Variants in GPHN observed in about 807,000 individuals in gnomAD.
GPHN encodes gephyrin.
GPHN carries 17 observed loss-of-function variants against 95.5 expected under a neutral mutation model. The observed-to-expected ratio is 0.18, with a 90% CI of 0.12 to 0.27. The LOEUF (loss-of-function observed/expected upper bound fraction) is 0.27. GPHN is among the 10% of genes least tolerant of loss of function. GPHN has a pLI of 1.00. For synonymous variants in GPHN, 320 were observed against 322.5 expected (o/e 0.99, Z 0.08); for missense variants, 660 against 978.1 (o/e 0.67, Z 4.34).
At chr14:67,645,680 T>C in the GPHN span, 1 of 1,613,926 alleles carries the variant, frequency 6.2e-7, no homozygotes, top group Admixed American at 1.7e-5. Context: ...TGCCCGACAC[T>C]GCCCAGACCT....
At chr14:67,073,481 C>A (rs900414448) in intron 11 of GPHN, among the ~76,000 whole-genome samples, 1 of 152,054 alleles carries the variant, frequency 6.6e-6, no homozygotes, top group Non-Finnish European at 1.5e-5. Flanking sequence ...TAAAAACGTA[C>A]CCCTTTCATG....
intron 1 of GPHN, among the ~76,000 whole-genome samples, chr14:66,567,881 A>G (rs988113970): frequency 3.2e-4 from 48 of 152,186 alleles, no homozygotes; most frequent in African/African-American, 1.2e-3. Flanking sequence ...CTATAAAAAA[A>G]TATAAGATGT....
At chr14:67,441,239 C>A in the GPHN span, among the ~76,000 whole-genome samples, 1 of 152,186 alleles carries the variant, frequency 6.6e-6, no homozygotes, top group Admixed American at 6.5e-5. Flanking sequence ...TGCTCTGATC[C>A]TCCAGGTCCT....
the GPHN span, among the ~76,000 whole-genome samples, chr14:67,372,685 G>A: frequency 7.9e-5 from 12 of 151,828 alleles, no homozygotes; most frequent in Non-Finnish European, 1.5e-4. Flanking sequence ...AAAAATTAGC[G>A]GGCATAGTGG....
chr14:67,607,131 A>G, the GPHN span, among the ~76,000 whole-genome samples: 1 of 151,990 alleles, frequency 6.6e-6, no homozygotes, highest in Admixed American at 6.5e-5. Flanking sequence ...AAGTATATAT[A>G]TAACTCTTAA....
chr14:67,661,478 T>C, the GPHN span, among the ~76,000 whole-genome samples: 1 of 150,870 alleles, frequency 6.6e-6, no homozygotes, highest in African/African-American at 2.4e-5. Context: ...TGGTTAGAAT[T>C]ACCTCTAAAC....
intron 4 of GPHN, among the ~76,000 whole-genome samples, chr14:66,862,430 TACTC>T (rs1484021551): frequency 6.6e-6 from 1 of 152,006 alleles, no homozygotes; most frequent in African/African-American, 2.4e-5. Flanking sequence ...ATACCAATCT[TACTC>T]AAAGTATTCC....
intron 3 of GPHN, among the ~76,000 whole-genome samples, chr14:66,797,570 G>T (rs1332848257): frequency 6.6e-6 from 1 of 151,658 alleles, no homozygotes; most frequent in African/African-American, 2.4e-5. Context: ...TAATTCCTAA[G>T]TATTTACTTT....
intron 5 of GPHN, among the ~76,000 whole-genome samples, chr14:66,915,521 A>G (rs1426834185): frequency 3.3e-5 from 5 of 152,104 alleles, no homozygotes; most frequent in African/African-American, 7.2e-5. Flanking sequence ...GAGCTCTCCA[A>G]CCTCTTCCCT....
At chr14:66,645,092 A>G (rs1277006171) in intron 1 of GPHN, among the ~76,000 whole-genome samples, 4 of 152,070 alleles carry the variant, frequency 2.6e-5, no homozygotes, top group Non-Finnish European at 4.4e-5. Flanking sequence ...GTATATTTGT[A>G]TGTAATGAAG....
chr14:67,706,545 C>T, the GPHN span, among the ~76,000 whole-genome samples: 1 of 152,142 alleles, frequency 6.6e-6, no homozygotes, highest in African/African-American at 2.4e-5. Context: ...ATGGAATGGG[C>T]TTCCAGGTCA....
chr14:66,547,592 A>T (rs2059648429), intron 1 of GPHN, among the ~76,000 whole-genome samples: 1 of 152,214 alleles, frequency 6.6e-6, no homozygotes. Context: ...TTATTCTTAT[A>T]AAACTCTTTT....
intron 1 of GPHN, among the ~76,000 whole-genome samples, chr14:66,593,478 G>A (rs2061844447): frequency 6.6e-6 from 1 of 152,034 alleles, no homozygotes; most frequent in Non-Finnish European, 1.5e-5. Context: ...TGGAAGCAAA[G>A]GGGGAAGAGC....
the GPHN span, among the ~76,000 whole-genome samples, chr14:67,382,904 CGTGCGTGT>C: frequency 7.1e-6 from 1 of 140,450 alleles, no homozygotes; most frequent in Non-Finnish European, 1.5e-5. Context: ...TACGTGCGTG[CGTGCGTGT>C]GTGTGTGTGT....
the GPHN span, chr14:67,692,685 C>A: frequency 6.9e-7 from 1 of 1,446,856 alleles, no homozygotes; most frequent in Non-Finnish European, 9.3e-7. Flanking sequence ...TTTTAAAAAA[C>A]ACACATTTTT....
At chr14:67,153,212 C>G (rs2081384714) in intron 18 of GPHN, among the ~76,000 whole-genome samples, 3 of 151,732 alleles carry the variant, frequency 2.0e-5, no homozygotes, top group African/African-American at 4.8e-5. Context: ...GGTGAGAGGT[C>G]AAGGCTGCAG....
chr14:67,376,540 G>A, the GPHN span: 16 of 1,614,004 alleles, frequency 9.9e-6, no homozygotes, highest in Admixed American at 1.7e-5. Flanking sequence ...TTGATGACAA[G>A]TACAAGAGAC....
chr14:66,596,312 C>G (rs1164257951), intron 1 of GPHN, among the ~76,000 whole-genome samples: 1 of 152,058 alleles, frequency 6.6e-6, no homozygotes, highest in African/African-American at 2.4e-5. Context: ...CAGTCCAGTC[C>G]CCAAACCTCA....
chr14:66,728,132 GA>G lies in GPHN; in HGVS notation c.143+46948del, dbSNP rs1319327436. The stretch of plus-strand genomic sequence containing the variant: ...CCCCAAGCCTTGGCAGCTTCTACAT[GA>G]TGTTGAGCCTGCGAGTGCACAGAAG... On this transcript the variant is annotated intron_variant, in intron 2 of 22. Coordinates refer to ENST00000478722, the MANE Select transcript of GPHN (RefSeq NM_020806.5). 3.3e-5 allele frequency among the ~76,000 whole-genome samples: 5 copies of G among 152,294 alleles called. No individual in the cohort carries two copies. The South Asian group carries it at 6.2e-4, about 19-fold the overall frequency.
Sources: gnomAD v4.1 joint callset for allele counts (sites outside exome capture counted in the v4.1 genomes callset) on GRCh38, gnomAD v4.1.1 for gene constraint, MANE v1.5 for transcripts, NCBI Gene and HGNC (gene_info 2026-07-23, HGNC 2026-07-21) for gene names.